The following ZNF773 variants were observed in gnomAD, a reference collection of about 807,000 sequenced individuals.
ZNF773 encodes zinc finger protein 419B.
ZNF773 carries 11 observed loss-of-function variants against 12.8 expected under a neutral mutation model. That is an observed-to-expected ratio of 0.86 (90% CI 0.54 to 1.42). ZNF773 has a LOEUF of 1.42. Among genes scored for constraint, ZNF773 ranks in the 40% most tolerant of loss-of-function variants. ZNF773 has a pLI of 0.00. For missense variants in ZNF773, 518 were observed against 527.2 expected (o/e 0.98, Z 0.17); for synonymous variants, 175 against 178.4 (o/e 0.98, Z 0.15).
At chr19:57,515,261 T>C (rs965883984), downstream of ZNF773, 1 of 152,198 alleles carries the variant, frequency 6.6e-6, no homozygotes. Flanking sequence ...TGGACCACTA[T>C]CTCTAGGTAA....
In ZNF773 at chr19:57,505,025, G is replaced by T; in HGVS notation, c.163+239G>T. On this transcript the variant is annotated intron_variant, in intron 2 of 3. Transcript: ENST00000282292. ...CAGGAGTCTTGCAGTCAGCTTGATG[G>T]ATCTTATCCCTGGTGGCCTCTCTGT... The T allele has an allele frequency of 8.3e-6, 6 of 725,624 alleles. No individual in the cohort carries two copies. The South Asian group carries it at 8.9e-5, about 11-fold the overall frequency. 44.9% of individuals were successfully genotyped at this position (725,624 alleles called of 1,614,324 possible).
At chr19:57,505,006 T>G in intron 2 of ZNF773, 1 of 802,020 alleles carries the variant, frequency 1.2e-6, no homozygotes, top group Non-Finnish European at 2.1e-6. Flanking sequence ...GGGTCAGGAG[T>G]CTTGCAGTCA....
downstream of ZNF773, chr19:57,508,491 C>A: frequency 1.4e-6 from 1 of 698,192 alleles, no homozygotes. Context: ...CTTCCAGAGA[C>A]TGAATTGTGT....
rs1442560289 is a variant in ZNF773 at position 57,507,929 on chromosome 19, C to T, written c.*505C>T. The T allele has an allele frequency of 3.6e-5, 6 of 165,978 alleles. No homozygotes were observed. The South Asian group carries it at 7.4e-4, about 20-fold the overall frequency. 10.3% of individuals were successfully genotyped at this position (165,978 alleles called of 1,614,324 possible). A position where few individuals can be genotyped will look rare whatever the true frequency, so the allele number is the denominator to read the frequency against. ...CAGAGTTTGCGGTGAGCTGAGATCA[C>T]GCCACTGCACTCCAGACTGGGTGAC... On this transcript the variant is annotated 3_prime_UTR_variant, in exon 4 of 4. Coordinates refer to ENST00000282292, the MANE Select transcript of ZNF773 (RefSeq NM_198542.3).
intron 2 of ZNF773, chr19:57,505,003 G>A: frequency 8.7e-6 from 7 of 809,230 alleles, no homozygotes; most frequent in East Asian, 2.7e-5. Flanking sequence ...TGGGGGTCAG[G>A]AGTCTTGCAG....
Position 57,507,165 on chromosome 19 carries a change from G to A in ZNF773, c.1070G>A (p.Arg357Lys). 1.2e-6 allele frequency: 2 copies of A among 1,613,968 alleles called. No homozygotes were observed. The highest frequency in any genetic ancestry group is 8.5e-7 in the Non-Finnish European group (1 of 1,179,970). The change falls in exon 4 of 4, where the codon AGG becomes AAG. Residue 357 changes from arginine to lysine, a missense_variant. Transcript: ENST00000282292. ...CATTGGCGTGTTCACACTGGAGAAA[G>A]GCCTTATGAGTGCAGTGAATGTGGG... ...INHWRVHTGE[R>K]PYECSECGKF...
In ZNF773 at chr19:57,499,977, C is replaced by G. The variant is rs1269346823; in HGVS notation, c.-104C>G. ...CCAGCTCCGGAAAGCGCGGTGGGGA[C>G]GCGCTGTGTTCTCGCAGCTCAGAGG... On this transcript the variant is annotated 5_prime_UTR_variant, in exon 1 of 4. Coordinates refer to ENST00000282292, the MANE Select transcript of ZNF773 (RefSeq NM_198542.3). 2 of 1,424,834 alleles carry G rather than the reference C, an allele frequency of 1.4e-6. No homozygotes were observed. Among genetic ancestry groups the G allele is most frequent in the South Asian group, 2.6e-5 (2 of 75,864 alleles). 88.3% of individuals were successfully genotyped at this position (1,424,834 alleles called of 1,614,324 possible). A position where few individuals can be genotyped will look rare whatever the true frequency, so the allele number is the denominator to read the frequency against.
At chr19:57,515,293 C>A (rs957995315), downstream of ZNF773, 3 of 152,220 alleles carry the variant, frequency 2.0e-5, no homozygotes, top group African/African-American at 7.2e-5. Flanking sequence ...ATAAACTAAT[C>A]GGTTCTGTAT....
chr19:57,510,712 A>G (rs1414337994), downstream of ZNF773, among the ~76,000 whole-genome samples: 1 of 152,224 alleles, frequency 6.6e-6, no homozygotes, highest in Non-Finnish European at 1.5e-5. Flanking sequence ...TAGCTGGCAA[A>G]TACATGCTTG....
chr19:57,506,600 C>G lies in ZNF773; in HGVS notation c.505C>G (p.His169Asp), dbSNP rs867238964. The G allele has an allele frequency of 1.9e-6, 3 of 1,614,078 alleles. No individual in the cohort carries two copies. Among genetic ancestry groups the G allele is most frequent in the East Asian group, 2.2e-5 (1 of 44,898 alleles). Residue 169 changes from histidine to aspartate, a missense_variant, in exon 4 of 4, where the codon CAC becomes GAC. Physicochemically the swap from His to Asp is moderately conservative, Grantham distance 81. Coordinates refer to ENST00000282292, the MANE Select transcript of ZNF773 (RefSeq NM_198542.3). ...AGGTGTTCTCAAGCACCAGGTGACT[C>G]ACACGGGAGAGAAGTCACATAGGAG... ...SSGVLKHQVT[H>D]TGEKSHRSSK...
chr19:57,516,776 C>T (rs1307021101), downstream of ZNF773: 3 of 152,244 alleles, frequency 2.0e-5, no homozygotes, highest in African/African-American at 7.2e-5. Flanking sequence ...GTCTTGGCCC[C>T]TTAGCTAAAC....
chr19:57,506,748 C>G lies in ZNF773; in HGVS notation c.653C>G (p.Pro218Arg). 2 of 1,614,242 alleles carry G rather than the reference C, an allele frequency of 1.2e-6. No individual in the cohort carries two copies. The highest frequency in any genetic ancestry group is 1.7e-6 in the Non-Finnish European group (2 of 1,180,038). The change falls in exon 4 of 4, where the codon CCT becomes CGT. Residue 218 changes from proline to arginine, a missense_variant. Transcript: ENST00000282292. The part of the protein sequence containing the change: ...QHQRLHTGEK[P>R]YECSECGKLF... ...CAGAGACTGCACACTGGGGAAAAGC[C>G]TTATGAATGCAGTGAATGTGGGAAG...
chr19:57,501,335 C>T (rs2089668453), intron 1 of ZNF773, among the ~76,000 whole-genome samples: 1 of 149,890 alleles, frequency 6.7e-6, no homozygotes, highest in African/African-American at 2.5e-5. Context: ...CCCACCTCGG[C>T]CTCCCAAAGT....
chr19:57,501,580 T>G (rs907617684), intron 1 of ZNF773, among the ~76,000 whole-genome samples: 4 of 152,074 alleles, frequency 2.6e-5, no homozygotes, highest in African/African-American at 9.7e-5. Context: ...AGTTGAGCAT[T>G]TTTCCAAGGG....
Position 57,507,083 on chromosome 19 carries a change from C to T in ZNF773, c.988C>T (p.Pro330Ser). 2 of 1,614,150 alleles carry T rather than the reference C, an allele frequency of 1.2e-6. No individual in the cohort carries two copies. The highest frequency in any genetic ancestry group is 1.7e-6 in the Non-Finnish European group (2 of 1,180,024). Residue 330 changes from proline to serine, a missense_variant, in exon 4 of 4, where the codon CCT becomes TCT. Transcript: ENST00000282292. ...TCAGAGAGTTCACACTGGAGAAAGA[C>T]CTTATAAGTGCAGTGAATGTGGAAA... ...KHQRVHTGER[P>S]YKCSECGKFY...
At chr19:57,514,463 T>C (rs960755516), downstream of ZNF773, 2 of 152,200 alleles carry the variant, frequency 1.3e-5, no homozygotes, top group African/African-American at 4.8e-5. Flanking sequence ...AGGCAGAAGC[T>C]GAATTATAGC....
At chr19:57,501,020 G>A (rs2089663714) in intron 1 of ZNF773, among the ~76,000 whole-genome samples, 1 of 152,186 alleles carries the variant, frequency 6.6e-6, no homozygotes. Context: ...ACTGGATGGA[G>A]ACCGCAGTGT....
At chr19:57,516,828 C>T (rs1337791825), downstream of ZNF773, 1 of 152,358 alleles carries the variant, frequency 6.6e-6, no homozygotes, top group East Asian at 1.9e-4. Context: ...CTGGGGTCCC[C>T]ATGGTCATTT....
chr19:57,500,511 GAA>G (rs200030507), intron 1 of ZNF773, among the ~76,000 whole-genome samples: 35,165 of 149,460 alleles, frequency 0.24, 3,127 homozygotes, highest in African/African-American at 0.28. Context: ...TGAGGCGGGT[GAA>G]GACAGACCTG....
Sources: allele counts gnomAD v4.1 joint callset (sites outside exome capture counted in the v4.1 genomes callset), GRCh38; gene constraint gnomAD v4.1.1; transcripts MANE v1.5; gene names NCBI Gene and HGNC (gene_info 2026-07-23, HGNC 2026-07-21).